NLGN4X: variants seen among roughly 807,000 people sequenced by gnomAD.
NLGN4X encodes neuroligin 4 X-linked, also known as neuroligin-4, X-linked.
A neutral mutation model predicts 40.3 loss-of-function variants in NLGN4X; 3 were observed. The ratio of observed to expected loss-of-function variants is 0.07; its 90% CI spans 0.03 to 0.19. The LOEUF is 0.19. Ranked by LOEUF, NLGN4X falls within the 10% of genes least tolerant of loss-of-function variation. The probability of loss-of-function intolerance (pLI) is 1.00; values close to 1 mark genes in which losing one functional copy is unlikely to be tolerated. For synonymous variants in NLGN4X, 270 were observed against 306.8 expected, an observed-to-expected ratio of 0.88 and a Z score of 1.25; for missense variants, 382 against 708.3, an observed-to-expected ratio of 0.54 and a Z score of 5.23.
intron 3 of NLGN4X, among the ~76,000 whole-genome samples, chrX:5,989,119 T>C (rs2035614186): frequency 9.0e-6 from 1 of 110,706 alleles, no homozygotes; most frequent in Non-Finnish European, 1.9e-5. Flanking sequence ...AAAGAGTTAG[T>C]TGAAACAAGC....
intron 3 of NLGN4X, among the ~76,000 whole-genome samples, chrX:5,957,082 T>C (rs1014184193): frequency 7.2e-5 from 8 of 111,360 alleles, no homozygotes; most frequent in Admixed American, 6.7e-4. Context: ...ACAATCGTAG[T>C]GGACACCCAA....
rs749932024 is a variant in NLGN4X at position 5,903,568 on chromosome X, G to A, written c.1110C>T (p.Gly370=). 3.5e-5 allele frequency: 42 copies of A among 1,208,519 alleles called. No individual in the cohort carries two copies. Among genetic ancestry groups the A allele is most frequent in the South Asian group, 1.2e-4 (7 of 56,606 alleles). Residue 370 remains glycine (G), a synonymous_variant, in exon 5 of 6, where the codon GGC becomes GGT. Coordinates refer to ENST00000381095, the MANE Select transcript of NLGN4X (RefSeq NM_181332.3). Reference sequence around the variant, plus strand: ...ACTTCAGGCCTTCCCCTTGGTTGACGCCCAGCATGATGTCGTAGTTGAGGA... The same window carrying A: ...ACTTCAGGCCTTCCCCTTGGTTGACACCCAGCATGATGTCGTAGTTGAGGA... ...GEFLNYDIML[G]VNQGEGLKFV...
At chrX:5,951,711 C>T (rs1291561706) in intron 3 of NLGN4X, among the ~76,000 whole-genome samples, 1 of 110,898 alleles carries the variant, frequency 9.0e-6, no homozygotes, top group East Asian at 2.9e-4. Context: ...ATAAAAGGGA[C>T]GAGGGTGCCC....
At chrX:5,966,129 A>G (rs1272754461) in intron 3 of NLGN4X, among the ~76,000 whole-genome samples, 1 of 112,117 alleles carries the variant, frequency 8.9e-6, no homozygotes, top group African/African-American at 3.2e-5. Flanking sequence ...AATTTTCTTT[A>G]CAGTCATTAA....
chrX:6,212,387 AT>A (rs1457815677), intron 1 of NLGN4X, among the ~76,000 whole-genome samples: 1 of 111,527 alleles, frequency 9.0e-6, no homozygotes, highest in Non-Finnish European at 1.9e-5. Context: ...GCATATTAAA[AT>A]TTTATGTTAA....
chrX:6,202,338 C>CTT (rs112598776), intron 1 of NLGN4X, among the ~76,000 whole-genome samples: 3 of 92,689 alleles, frequency 3.2e-5, no homozygotes, highest in East Asian at 3.4e-4. Flanking sequence ...TTTTCATTTT[C>CTT]TTTTTTTTTT....
At chrX:6,031,989 C>T (rs1365485568) in intron 2 of NLGN4X, among the ~76,000 whole-genome samples, 1 of 109,629 alleles carries the variant, frequency 9.1e-6, no homozygotes, top group Non-Finnish European at 1.9e-5. Flanking sequence ...TCAAAAAAGC[C>T]GTGGTGTGAA....
At chrX:6,215,199 A>G (rs1170207109) in intron 1 of NLGN4X, among the ~76,000 whole-genome samples, 3 of 112,364 alleles carry the variant, frequency 2.7e-5, no homozygotes, top group African/African-American at 9.7e-5. Flanking sequence ...GCGTAAGCAG[A>G]TATGTTAAAA....
At chrX:6,129,853 A>C (rs2039641461) in intron 2 of NLGN4X, among the ~76,000 whole-genome samples, 1 of 109,842 alleles carries the variant, frequency 9.1e-6, no homozygotes, top group African/African-American at 3.3e-5. Flanking sequence ...TGTATATGCA[A>C]ACTGTGGGGG....
At chrX:6,107,006 T>C (rs1395876778) in intron 2 of NLGN4X, among the ~76,000 whole-genome samples, 1 of 112,780 alleles carries the variant, frequency 8.9e-6, no homozygotes, top group East Asian at 2.8e-4. Flanking sequence ...AACCTAAAAA[T>C]TGAAATATGA....
At chrX:6,066,707 C>T (rs1028675109) in intron 2 of NLGN4X, among the ~76,000 whole-genome samples, 2 of 111,957 alleles carry the variant, frequency 1.8e-5, no homozygotes, top group Non-Finnish European at 3.8e-5. Flanking sequence ...ATCGCGTGAA[C>T]GCAGCAGGCA....
intron 2 of NLGN4X, among the ~76,000 whole-genome samples, chrX:6,128,856 T>C (rs2039618804): frequency 8.9e-6 from 1 of 112,457 alleles, no homozygotes; most frequent in Non-Finnish European, 1.9e-5. Flanking sequence ...ATAAAACATG[T>C]AACAATGAAC....
intron 3 of NLGN4X, among the ~76,000 whole-genome samples, chrX:5,928,874 G>T (rs375468031): frequency 9.3e-6 from 1 of 107,690 alleles, no homozygotes; most frequent in Non-Finnish European, 1.9e-5. Flanking sequence ...TTTAGAGATG[G>T]TATCTTGCTA....
At chrX:6,023,650 A>G (rs190805256) in intron 3 of NLGN4X, among the ~76,000 whole-genome samples, 1 of 111,958 alleles carries the variant, frequency 8.9e-6, no homozygotes, top group Non-Finnish European at 1.9e-5. Flanking sequence ...TAACTCTTCC[A>G]AGGGAGTTTA....
At chrX:6,121,596 T>G (rs892227303) in intron 2 of NLGN4X, among the ~76,000 whole-genome samples, 1 of 112,529 alleles carries the variant, frequency 8.9e-6, no homozygotes, top group East Asian at 2.8e-4. Flanking sequence ...TTTTCAGACA[T>G]CTGGCAAATG....
chrX:6,049,458 T>C (rs1330424510), intron 2 of NLGN4X, among the ~76,000 whole-genome samples: 2 of 108,322 alleles, frequency 1.8e-5, no homozygotes, highest in African/African-American at 3.3e-5. Context: ...ATAAACCACA[T>C]ATTTCTTTAG....
intron 2 of NLGN4X, among the ~76,000 whole-genome samples, chrX:6,044,333 CA>C (rs2037257791): frequency 9.0e-6 from 1 of 110,856 alleles, no homozygotes; most frequent in South Asian, 3.8e-4. Context: ...TGACTGTGTT[CA>C]CTCATTTTGT....
At chrX:5,968,438 C>CT (rs1569159120) in intron 3 of NLGN4X, among the ~76,000 whole-genome samples, 5 of 15,090 alleles carry the variant, frequency 3.3e-4, no homozygotes, top group Admixed American at 9.7e-4. Context: ...TGTAAGTACC[C>CT]CTCTCTCTCT....
At chrX:6,125,060 G>A (rs1277950966) in intron 2 of NLGN4X, among the ~76,000 whole-genome samples, 2 of 112,171 alleles carry the variant, frequency 1.8e-5, no homozygotes, top group East Asian at 2.8e-4. Context: ...TTATGCTACC[G>A]TATAAACACA....
Sources: allele counts gnomAD v4.1 joint callset (sites outside exome capture counted in the v4.1 genomes callset), GRCh38; gene constraint gnomAD v4.1.1; transcripts MANE v1.5; gene names NCBI Gene and HGNC (gene_info 2026-07-23, HGNC 2026-07-21).